ATG10: variants seen among roughly 807,000 people sequenced by gnomAD.
ATG10 encodes ubiquitin-like-conjugating enzyme ATG10.
ATG10 carries 30 observed loss-of-function variants against 32.1 expected under a neutral mutation model. The observed-to-expected ratio is 0.94, with a 90% CI of 0.70 to 1.27. The LOEUF (loss-of-function observed/expected upper bound fraction) is 1.27, where lower values mean the gene tolerates loss of function less well. Among genes scored for constraint, ATG10 ranks in the 50% most tolerant of loss-of-function variants. The pLI is 0.00. For synonymous variants in ATG10, 87 were observed against 91.5 expected (o/e 0.95, Z 0.28); for missense variants, 233 against 262.3 (o/e 0.89, Z 0.77).
At chr5:82,140,198 G>GT (rs1561321499) in intron 3 of ATG10, among the ~76,000 whole-genome samples, 1 of 56,530 alleles carries the variant, frequency 1.8e-5, no homozygotes, top group Non-Finnish European at 3.6e-5. Context: ...GAGGTGGGGG[G>GT]GTCAGCCCCC....
intron 2 of ATG10, among the ~76,000 whole-genome samples, chr5:81,997,215 C>T (rs759895752): frequency 1.4e-4 from 22 of 152,192 alleles, no homozygotes; most frequent in Non-Finnish European, 2.8e-4. Context: ...CACCGCCCAA[C>T]GAAGGACTTT....
chr5:82,066,735 A>G (rs1318124024), intron 3 of ATG10, among the ~76,000 whole-genome samples: 2 of 152,172 alleles, frequency 1.3e-5, no homozygotes, highest in Admixed American at 1.3e-4. Context: ...CATTTGCCCT[A>G]AGGATTTTAT....
At chr5:82,125,819 C>G (rs960330577) in intron 3 of ATG10, among the ~76,000 whole-genome samples, 1 of 152,060 alleles carries the variant, frequency 6.6e-6, no homozygotes, top group African/African-American at 2.4e-5. Flanking sequence ...AAGAAAGTCA[C>G]TGGTAGCTTG....
Position 82,099,698 on chromosome 5 carries a change from A to G in ATG10, c.216+41096A>G, listed in dbSNP as rs564172992. Among the ~76,000 whole-genome samples the G allele has an allele frequency of 1.1e-3, 174 of 152,276 alleles. 2 individuals are homozygous for G. Among genetic ancestry groups the G allele is most frequent in the Admixed American group, 2.2e-3 (34 of 15,288 alleles). On this transcript the variant is annotated intron_variant, in intron 3 of 7. Transcript: ENST00000282185. Reference sequence around the variant, plus strand: ...TTAATTTAGCATAGTATTACACTTAATGAATTATCATTAATCATAAATATG... The same window carrying G: ...TTAATTTAGCATAGTATTACACTTAGTGAATTATCATTAATCATAAATATG...
chr5:82,112,660 A>T (rs1293368137), intron 3 of ATG10, among the ~76,000 whole-genome samples: 1 of 151,910 alleles, frequency 6.6e-6, no homozygotes, highest in African/African-American at 2.4e-5. Flanking sequence ...CCTTCAGAAT[A>T]ATCGATTGTA....
chr5:82,211,753 A>T (rs1016720103), intron 5 of ATG10, among the ~76,000 whole-genome samples: 4 of 152,010 alleles, frequency 2.6e-5, no homozygotes, highest in African/African-American at 9.7e-5. Context: ...TCACACTCCC[A>T]TATTTCAACT....
intron 3 of ATG10, among the ~76,000 whole-genome samples, chr5:82,150,097 G>A (rs1411773206): frequency 2.6e-5 from 4 of 152,140 alleles, no homozygotes; most frequent in Non-Finnish European, 5.9e-5. Context: ...ATTGCTGTGG[G>A]TATAGTGCTC....
intron 5 of ATG10, among the ~76,000 whole-genome samples, chr5:82,227,138 C>G (rs1054072280): frequency 6.6e-6 from 1 of 151,880 alleles, no homozygotes; most frequent in Non-Finnish European, 1.5e-5. Flanking sequence ...CCTATATGCC[C>G]CCTCTTGTAA....
intron 2 of ATG10, among the ~76,000 whole-genome samples, chr5:81,989,468 A>T (rs1406565908): frequency 6.6e-6 from 1 of 151,874 alleles, no homozygotes; most frequent in Admixed American, 6.6e-5. Context: ...GTCCAGTCCC[A>T]CTCTCTAAAT....
intron 5 of ATG10, among the ~76,000 whole-genome samples, chr5:82,243,968 CAAAGATACCT>C (rs1426020467): frequency 1.3e-5 from 2 of 151,982 alleles, no homozygotes; most frequent in Admixed American, 6.6e-5. Flanking sequence ...AAACAGAGGA[CAAAGATACCT>C]AAAGAGGATC....
At chr5:82,064,299 A>G (rs1763874390) in intron 3 of ATG10, among the ~76,000 whole-genome samples, 1 of 152,202 alleles carries the variant, frequency 6.6e-6, no homozygotes, top group Non-Finnish European at 1.5e-5. Context: ...TTTAGGTAAA[A>G]TACATCATCT....
At chr5:82,056,001 T>C (rs11740648) in intron 2 of ATG10, among the ~76,000 whole-genome samples, 9,550 of 152,244 alleles carry the variant, frequency 0.063, 382 homozygotes, top group Non-Finnish European at 0.09. Flanking sequence ...CCATTTGGGT[T>C]TGTGTAAGCA....
At chr5:82,008,499 T>C (rs1412885162) in intron 2 of ATG10, among the ~76,000 whole-genome samples, 1 of 152,138 alleles carries the variant, frequency 6.6e-6, no homozygotes, top group African/African-American at 2.4e-5. Context: ...GTGAATTAAA[T>C]ACCTTTGAAT....
At chr5:82,146,699 TA>T (rs1767374181) in intron 3 of ATG10, among the ~76,000 whole-genome samples, 1 of 152,018 alleles carries the variant, frequency 6.6e-6, no homozygotes, top group African/African-American at 2.4e-5. Flanking sequence ...TCCAGTTTGT[TA>T]TTAATCAGAT....
chr5:82,075,917 A>G (rs927717417), intron 3 of ATG10, among the ~76,000 whole-genome samples: 1 of 152,202 alleles, frequency 6.6e-6, no homozygotes, highest in Non-Finnish European at 1.5e-5. Context: ...CCTGGACGAC[A>G]GAGCAAGACT....
intron 5 of ATG10, among the ~76,000 whole-genome samples, chr5:82,193,015 G>T (rs1046853714): frequency 1.3e-5 from 2 of 152,176 alleles, no homozygotes; most frequent in Non-Finnish European, 2.9e-5. Flanking sequence ...TGGATATGCT[G>T]TTTACTATGA....
intron 5 of ATG10, among the ~76,000 whole-genome samples, chr5:82,208,191 A>G (rs1297319404): frequency 6.6e-6 from 1 of 151,878 alleles, no homozygotes; most frequent in Non-Finnish European, 1.5e-5. Context: ...TGTCAATACC[A>G]TACTATTTTT....
Position 82,241,551 on chromosome 5 carries a change from A to G in ATG10, c.454-11011A>G, listed in dbSNP as rs567972973. On this transcript the variant is annotated intron_variant, in intron 5 of 7. Transcript: ENST00000282185. The stretch of plus-strand genomic sequence containing the variant: ...CATTCCTCTTCATTTCACCTGACCA[A>G]CCACACTGGTCTTGTCATTCTTTGA... 2.0e-4 allele frequency among the ~76,000 whole-genome samples: 30 copies of G among 152,138 alleles called. No individual in the cohort carries two copies. The South Asian group carries it at 4.8e-3, about 24-fold the overall frequency.
At chr5:82,046,643 C>T (rs1763244735) in intron 2 of ATG10, among the ~76,000 whole-genome samples, 1 of 152,204 alleles carries the variant, frequency 6.6e-6, no homozygotes, top group Admixed American at 6.5e-5. Flanking sequence ...GACCCTACAG[C>T]AGGATCCTTT....
Sources: allele counts gnomAD v4.1 joint callset (sites outside exome capture counted in the v4.1 genomes callset), GRCh38; gene constraint gnomAD v4.1.1; transcripts MANE v1.5; gene names NCBI Gene and HGNC (gene_info 2026-07-23, HGNC 2026-07-21).